AGMO: variants seen among roughly 807,000 people sequenced by gnomAD.
The protein encoded by AGMO is glyceryl-ether monooxygenase.
In AGMO, 75 loss-of-function variants were observed where a neutral mutation model predicts 60.2. The ratio of observed to expected loss-of-function variants is 1.25; its 90% confidence interval spans 1.03 to 1.51. AGMO has a LOEUF of 1.51. Among genes scored for constraint, AGMO ranks in the 40% most tolerant of loss-of-function variants. The pLI, the probability that AGMO is intolerant of heterozygous loss-of-function variation, is 0.00. For synonymous variants in AGMO, 261 were observed against 177.1 expected, an observed-to-expected ratio of 1.47 and a Z score of -3.76; for missense variants, 763 against 525.5, an observed-to-expected ratio of 1.45 and a Z score of -4.42.
chr7:15,376,102 G>C (rs188078563), intron 10 of AGMO, among the ~76,000 whole-genome samples: 1 of 151,994 alleles, frequency 6.6e-6, no homozygotes, highest in Admixed American at 6.6e-5. Context: ...GGTAGCTTTT[G>C]TTAATAGTCT....
chr7:15,426,581 T>C (rs930253968), intron 4 of AGMO, among the ~76,000 whole-genome samples: 2 of 151,988 alleles, frequency 1.3e-5, no homozygotes, highest in Non-Finnish European at 2.9e-5. Flanking sequence ...AAACCCTGTC[T>C]ATACAAAATA....
chr7:15,509,338 T>C (rs531397733), intron 3 of AGMO, among the ~76,000 whole-genome samples: 75 of 149,606 alleles, frequency 5.0e-4, no homozygotes, highest in Admixed American at 3.6e-3. Context: ...GTCTCTTTAA[T>C]AAATGATGTT....
At position 15,515,445 on chromosome 7, in the gene AGMO, A is replaced by G. The variant is rs182584586; in HGVS notation, c.409+29327T>C. On this transcript the variant is annotated intron_variant, in intron 3 of 12. Coordinates refer to ENST00000342526, the MANE Select transcript of AGMO (RefSeq NM_001004320.2). ...ATTGGAGCTCAGCCAAAGAAGTTCA[A>G]CTTGAAATCCCAGAGCCCGTTAAAT... Among the ~76,000 whole-genome samples, 5 of 152,300 alleles carry G rather than the reference A, an allele frequency of 3.3e-5. No homozygotes were observed. In the East Asian group the frequency reaches 7.7e-4, roughly 24 times the overall value.
At chr7:15,534,539 T>G (rs1344832) in intron 3 of AGMO, among the ~76,000 whole-genome samples, 4,151 of 152,066 alleles carry the variant, frequency 0.027, 81 homozygotes, top group Non-Finnish European at 0.046. Flanking sequence ...AGTATAAATC[T>G]AAAACACAGA....
intron 12 of AGMO, among the ~76,000 whole-genome samples, chr7:15,322,757 T>C (rs1314645569): frequency 5.3e-5 from 7 of 132,644 alleles, no homozygotes; most frequent in Non-Finnish European, 1.1e-4. Context: ...TATATAAATA[T>C]ATATATCACA....
chr7:15,336,339 T>C (rs550452494), intron 12 of AGMO, among the ~76,000 whole-genome samples: 6 of 152,180 alleles, frequency 3.9e-5, no homozygotes, highest in South Asian at 2.1e-4. Flanking sequence ...AAAGCAGCTG[T>C]ACTATTTTAA....
intron 12 of AGMO, among the ~76,000 whole-genome samples, chr7:15,247,448 A>T (rs2128505079): frequency 7.0e-6 from 1 of 142,144 alleles, no homozygotes; most frequent in Non-Finnish European, 1.5e-5. Context: ...ACACACACAC[A>T]CACACACACA....
chr7:15,514,755 C>T (rs1783766200), intron 3 of AGMO, among the ~76,000 whole-genome samples: 1 of 152,164 alleles, frequency 6.6e-6, no homozygotes, highest in Non-Finnish European at 1.5e-5. Flanking sequence ...TTGAATTAAG[C>T]TTTTTATTCA....
At chr7:15,197,094 A>G (rs66643588), downstream of AGMO, among the ~76,000 whole-genome samples, 4,382 of 152,146 alleles carry the variant, frequency 0.029, 113 homozygotes, top group Non-Finnish European at 0.048. Flanking sequence ...AGATAGAGCC[A>G]AGCTGCTTCC....
intron 12 of AGMO, among the ~76,000 whole-genome samples, chr7:15,315,733 G>C (rs540584876): frequency 3.9e-5 from 6 of 152,098 alleles, no homozygotes; most frequent in African/African-American, 1.4e-4. Context: ...GAGTTACTCT[G>C]GTTGCATAAC....
intron 12 of AGMO, among the ~76,000 whole-genome samples, chr7:15,356,817 A>T (rs1047505152): frequency 2.0e-5 from 3 of 151,930 alleles, no homozygotes; most frequent in Admixed American, 6.6e-5. Context: ...ACTTTATAAA[A>T]ATATTAGGGC....
Position 15,561,949 on chromosome 7 carries a change from T to C in AGMO, c.-104A>G. ...GATGTGCAGCTCAGAACAAGCTCTT[T>C]GTCAGAGAACAGCTAAAACCAAAGC... On this transcript the variant is annotated 5_prime_UTR_variant, in exon 1 of 13. Transcript: ENST00000342526. The C allele has an allele frequency of 7.9e-7, 1 of 1,269,884 alleles. No individual in the cohort carries two copies. The highest frequency in any genetic ancestry group is 1.1e-6 in the Non-Finnish European group (1 of 938,092). 78.7% of individuals were successfully genotyped at this position (1,269,884 alleles called of 1,614,324 possible). A position where few individuals can be genotyped will look rare whatever the true frequency, so the allele number is the denominator to read the frequency against.
chr7:15,456,029 A>G (rs1005124633), intron 3 of AGMO, among the ~76,000 whole-genome samples: 4 of 152,058 alleles, frequency 2.6e-5, no homozygotes, highest in Non-Finnish European at 5.9e-5. Context: ...GGAGAAAAAC[A>G]TGTTGGCTAT....
At chr7:15,315,328 CTTTT>C (rs1178276622) in intron 12 of AGMO, among the ~76,000 whole-genome samples, 19 of 48,180 alleles carry the variant, frequency 3.9e-4, no homozygotes, top group African/African-American at 1.1e-3. Context: ...TGGATATTTG[CTTTT>C]TTTTTTTTTT....
intron 3 of AGMO, among the ~76,000 whole-genome samples, chr7:15,537,738 C>G (rs1784517929): frequency 6.6e-6 from 1 of 151,730 alleles, no homozygotes; most frequent in Non-Finnish European, 1.5e-5. Flanking sequence ...ATCTTTTTTT[C>G]AAATGTACTT....
chr7:15,130,600 G>A, the AGMO span, among the ~76,000 whole-genome samples: 2 of 152,206 alleles, frequency 1.3e-5, no homozygotes, highest in East Asian at 3.9e-4. Flanking sequence ...GGAAAGGAAC[G>A]ATTGAAAATA....
the AGMO span, among the ~76,000 whole-genome samples, chr7:15,158,369 T>A: frequency 0.17 from 25,492 of 152,122 alleles, 2,322 homozygotes; most frequent in Non-Finnish European, 0.21. Context: ...AAAGAGAAAC[T>A]ATGAAAAACA....
At chr7:15,433,339 G>A (rs569675037) in intron 3 of AGMO, among the ~76,000 whole-genome samples, 1 of 152,160 alleles carries the variant, frequency 6.6e-6, no homozygotes, top group South Asian at 2.1e-4. Flanking sequence ...CACAAACTGT[G>A]TGTAACACAA....
intron 3 of AGMO, among the ~76,000 whole-genome samples, chr7:15,523,946 T>C (rs1272678238): frequency 6.6e-6 from 1 of 152,152 alleles, no homozygotes; most frequent in Non-Finnish European, 1.5e-5. Context: ...TGTAACAGTA[T>C]GTCTGAAAAT....
Sources: allele counts gnomAD v4.1 joint callset (sites outside exome capture counted in the v4.1 genomes callset), GRCh38; gene constraint gnomAD v4.1.1; transcripts MANE v1.5; gene names NCBI Gene and HGNC (gene_info 2026-07-23, HGNC 2026-07-21).